Variants in PRKAR1B observed in about 807,000 individuals in gnomAD.
PRKAR1B encodes protein kinase cAMP-dependent type I regulatory subunit beta.
PRKAR1B carries 22 observed loss-of-function variants against 46.5 expected under a neutral mutation model. The ratio of observed to expected loss-of-function variants is 0.47; its 90% confidence interval spans 0.34 to 0.68. PRKAR1B has a LOEUF of 0.68. Ranked by LOEUF, PRKAR1B falls within the 30% of genes least tolerant of loss-of-function variation. The pLI is 0.01. For missense variants in PRKAR1B, 445 were observed against 535.6 expected (o/e 0.83, Z 1.67); for synonymous variants, 259 against 217.7 (o/e 1.19, Z -1.67).
intron 2 of PRKAR1B, among the ~76,000 whole-genome samples, chr7:710,648 T>C (rs926958119): frequency 6.8e-6 from 1 of 147,732 alleles, no homozygotes; most frequent in Non-Finnish European, 1.5e-5. Flanking sequence ...TTTTCCTTTT[T>C]TTTTTTTTTT....
At chr7:659,627 C>T (rs1483924462) in intron 4 of PRKAR1B, among the ~76,000 whole-genome samples, 1 of 152,180 alleles carries the variant, frequency 6.6e-6, no homozygotes, top group Non-Finnish European at 1.5e-5. Flanking sequence ...AACCCCAGGC[C>T]GCGACCATGG....
chr7:685,298 ATATATATACGTATATATACG>A (rs1256760202), intron 2 of PRKAR1B, among the ~76,000 whole-genome samples: 1 of 14,796 alleles, frequency 6.8e-5, no homozygotes, highest in Non-Finnish European at 1.1e-4. Context: ...ATGTATACAT[ATATATATACGTATATATACG>A]TATATATACG....
chr7:568,158 G>T (rs1176493092), intron 9 of PRKAR1B, among the ~76,000 whole-genome samples: 3 of 152,282 alleles, frequency 2.0e-5, no homozygotes, highest in East Asian at 3.9e-4. Context: ...CCCATGCTCG[G>T]GGGTCATGGC....
intron 2 of PRKAR1B, among the ~76,000 whole-genome samples, chr7:696,151 A>T (rs1353724984): frequency 2.0e-5 from 3 of 148,460 alleles, no homozygotes; most frequent in African/African-American, 7.7e-5. Flanking sequence ...TTTTTTTATT[A>T]TTATTTGTAG....
At chr7:669,338 G>C (rs949519768) in intron 4 of PRKAR1B, among the ~76,000 whole-genome samples, 5 of 152,214 alleles carry the variant, frequency 3.3e-5, no homozygotes, top group African/African-American at 4.8e-5. Flanking sequence ...GGCCCAGGAG[G>C]GGGTGATAGG....
intron 4 of PRKAR1B, among the ~76,000 whole-genome samples, chr7:610,523 A>G (rs776850919): frequency 6.6e-6 from 1 of 152,188 alleles, no homozygotes; most frequent in Admixed American, 6.5e-5. Flanking sequence ...CTCGTGTACC[A>G]AAAAGGTCTG....
chr7:559,020 A>C (rs1778621089), intron 9 of PRKAR1B, among the ~76,000 whole-genome samples: 1 of 152,150 alleles, frequency 6.6e-6, no homozygotes, highest in Non-Finnish European at 1.5e-5. Flanking sequence ...ATGGACACAG[A>C]CCATTTGCCT....
intron 4 of PRKAR1B, among the ~76,000 whole-genome samples, chr7:649,369 T>C (rs1317920899): frequency 6.6e-6 from 1 of 152,212 alleles, no homozygotes; most frequent in East Asian, 1.9e-4. Context: ...TTTGGAATTA[T>C]TTTCCCTGTG....
chr7:606,050 C>T, intron 6 of PRKAR1B, 143 bp downstream of exon 6: 2 of 721,156 alleles, frequency 2.8e-6, no homozygotes, highest in Non-Finnish European at 4.8e-6. Context: ...CAAGAGATAG[C>T]AGTTGCATTT....
intron 4 of PRKAR1B, among the ~76,000 whole-genome samples, chr7:636,311 ACCGGCCGCGC>A (rs1318117421): frequency 1.3e-4 from 1 of 7,464 alleles, no homozygotes; most frequent in African/African-American, 6.3e-4. Flanking sequence ...CACGTCCTCC[ACCGGCCGCGC>A]CCACACGTCC....
At chr7:622,485 C>T (rs181179175) in intron 4 of PRKAR1B, among the ~76,000 whole-genome samples, 3 of 152,156 alleles carry the variant, frequency 2.0e-5, no homozygotes, top group Non-Finnish European at 2.9e-5. Flanking sequence ...GTGCTAGGAT[C>T]GTATCCAGTA....
At chr7:652,597 C>T (rs73046067) in intron 4 of PRKAR1B, among the ~76,000 whole-genome samples, 12,857 of 152,282 alleles carry the variant, frequency 0.084, 738 homozygotes, top group South Asian at 0.24. Flanking sequence ...AGACAGTTCA[C>T]GCTCACACAG....
At position 667,033 on chromosome 7, in the gene PRKAR1B, T is replaced by C. The variant is rs558267797; in HGVS notation, c.440+10196A>G. On this transcript the variant is annotated intron_variant, in intron 4 of 10. Coordinates refer to ENST00000537384, the MANE Select transcript of PRKAR1B (RefSeq NM_001164760.2). This position sits in a 1 kb window ranked among gnomAD's most constrained non-coding sequence, Gnocchi z 4.3. ...ATGAGGATGGTGGTGGTGATGGTGA[T>C]GATGATAATGATGGTGATGATGACA... 8.6e-5 allele frequency among the ~76,000 whole-genome samples: 13 copies of C among 151,136 alleles called. No individual in the cohort carries two copies. Among genetic ancestry groups the C allele is most frequent in the African/African-American group, 2.9e-4 (12 of 40,834 alleles).
At position 602,459 on chromosome 7, in the gene PRKAR1B, C is replaced by A; in HGVS notation, c.549+3734G>T. The A allele has an allele frequency of 5.9e-6, 1 of 168,996 alleles. No homozygotes were observed. The highest frequency in any genetic ancestry group is 6.0e-4 in the Middle Eastern group (1 of 1,666). 10.5% of individuals were successfully genotyped at this position (168,996 alleles called of 1,614,324 possible). A position where few individuals can be genotyped will look rare whatever the true frequency, so the allele number is the denominator to read the frequency against. Reference sequence around the variant, plus strand: ...CGGCCCCTTTGCCGAGGTCCTGGCCCAGGTGGGGCTCCCGGGAGCCTGGAG... The same window carrying A: ...CGGCCCCTTTGCCGAGGTCCTGGCCAAGGTGGGGCTCCCGGGAGCCTGGAG... On this transcript the variant is annotated intron_variant, in intron 6 of 10. Transcript: ENST00000537384. This position sits in a 1 kb window ranked among gnomAD's most constrained non-coding sequence, Gnocchi z 6.4.
At chr7:718,030 G>A (rs1025828319) in intron 1 of PRKAR1B, among the ~76,000 whole-genome samples, 2 of 152,070 alleles carry the variant, frequency 1.3e-5, no homozygotes, top group African/African-American at 2.4e-5. Context: ...GCTGTAAGAG[G>A]ACCCCGTGGC....
At chr7:719,736 A>T (rs73047957) in intron 1 of PRKAR1B, among the ~76,000 whole-genome samples, 51,712 of 151,650 alleles carry the variant, frequency 0.34, 8,862 homozygotes, top group South Asian at 0.48. Context: ...TCCAGGTACT[A>T]TACTGTACCA....
At chr7:629,054 G>A (rs1262346149) in intron 4 of PRKAR1B, among the ~76,000 whole-genome samples, 2 of 152,104 alleles carry the variant, frequency 1.3e-5, no homozygotes, top group Non-Finnish European at 2.9e-5. Flanking sequence ...ACAGCCGATG[G>A]TGACAGAGCC....
At chr7:568,939 C>G (rs533670321) in intron 9 of PRKAR1B, among the ~76,000 whole-genome samples, 2 of 139,564 alleles carry the variant, frequency 1.4e-5, no homozygotes, top group Admixed American at 1.4e-4. Flanking sequence ...CCGGGGCCCG[C>G]GGGGGGTGGT....
In PRKAR1B at chr7:596,281, C is replaced by A; in HGVS notation, c.573G>T (p.Val191=). Residue 191 remains valine, a synonymous_variant, in exon 7 of 11, where the codon GTG becomes GTT. Coordinates refer to ENST00000537384, the MANE Select transcript of PRKAR1B (RefSeq NM_001164760.2). The stretch of plus-strand genomic sequence containing the variant: ...AGCTGCCTCCCTCGCTGATGTTGGT[C>A]ACCCACTCTCCGTTCACGTACACCT... ...EVDVYVNGEW[V]TNISEGGSFG... 6.2e-7 allele frequency: 1 copy of A among 1,613,458 alleles called. No individual in the cohort carries two copies. The highest frequency in any genetic ancestry group is 1.7e-5 in the Admixed American group (1 of 59,976).
Sources: gnomAD v4.1 joint callset for allele counts (sites outside exome capture counted in the v4.1 genomes callset) on GRCh38, gnomAD v4.1.1 for gene constraint, Gnocchi (gnomAD v3.1) non-coding constraint, MANE v1.5 for transcripts, NCBI Gene and HGNC (gene_info 2026-07-23, HGNC 2026-07-21) for gene names.